Variants in CAST observed in about 807,000 individuals in gnomAD.
CAST encodes calpastatin.
A neutral mutation model predicts 119.6 loss-of-function variants in CAST; 76 were observed. That is an observed-to-expected ratio of 0.64 (90% CI 0.53 to 0.77). The LOEUF (loss-of-function observed/expected upper bound fraction) is 0.77, where lower values mean the gene tolerates loss of function less well. Ranked by LOEUF, CAST falls within the 30% of genes least tolerant of loss-of-function variation. The probability of loss-of-function intolerance (pLI) is 0.00; values close to 1 mark genes in which losing one functional copy is unlikely to be tolerated. For missense variants in CAST, 953 were observed against 946.5 expected (o/e 1.01, Z -0.09); for synonymous variants, 319 against 331.6 (o/e 0.96, Z 0.41).
chr5:96,652,535 A>C (rs1219543383), intron 1 of CAST, among the ~76,000 whole-genome samples: 1 of 152,206 alleles, frequency 6.6e-6, no homozygotes, highest in East Asian at 1.9e-4. Context: ...CTCACAGCAC[A>C]CCTACAGAGA....
the CAST span, among the ~76,000 whole-genome samples, chr5:96,464,474 T>C: frequency 6.6e-6 from 1 of 152,040 alleles, no homozygotes; most frequent in South Asian, 2.1e-4. Flanking sequence ...TAGTTCATTC[T>C]TATATGGTAT....
chr5:96,443,149 A>G, the CAST span, among the ~76,000 whole-genome samples: 1,042 of 152,342 alleles, frequency 6.8e-3, 17 homozygotes, highest in African/African-American at 0.024. Context: ...GATAATCATT[A>G]GGTTCAGGTG....
chr5:96,368,001 A>C, the CAST span, among the ~76,000 whole-genome samples: 69 of 152,002 alleles, frequency 4.5e-4, no homozygotes, highest in African/African-American at 1.6e-3. Flanking sequence ...CATGTTCCTC[A>C]TTGTCCTTCT....
the CAST span, among the ~76,000 whole-genome samples, chr5:96,326,077 C>A: frequency 6.6e-6 from 1 of 152,218 alleles, no homozygotes; most frequent in Non-Finnish European, 1.5e-5. Context: ...ACTTGGATAT[C>A]ATCCACATGA....
the CAST span, among the ~76,000 whole-genome samples, chr5:95,967,448 A>ATAAG: frequency 6.6e-6 from 1 of 152,098 alleles, no homozygotes; most frequent in East Asian, 1.9e-4. Flanking sequence ...AAATAAATAA[A>ATAAG]TAAGTAAATT....
intron 1 of CAST, among the ~76,000 whole-genome samples, chr5:96,532,429 C>T (rs1240720240): frequency 6.6e-6 from 1 of 152,164 alleles, no homozygotes; most frequent in Non-Finnish European, 1.5e-5. Context: ...AGAATCACCT[C>T]TCAGTCAGAG....
At chr5:96,704,907 T>C (rs1754626190) in intron 3 of CAST, among the ~76,000 whole-genome samples, 1 of 152,246 alleles carries the variant, frequency 6.6e-6, no homozygotes, top group Non-Finnish European at 1.5e-5. Context: ...GGGTGACAAT[T>C]CTGAATTAGA....
At chr5:96,531,245 T>C (rs1174020983) in intron 1 of CAST, among the ~76,000 whole-genome samples, 2 of 151,974 alleles carry the variant, frequency 1.3e-5, no homozygotes, top group African/African-American at 2.4e-5. Context: ...ACAGAACACA[T>C]AGGGGTGGCA....
At chr5:96,561,796 G>GTTTTTTTTTTGTTTTTTTTTTTTTTTTTT (rs1554067789) in intron 1 of CAST, among the ~76,000 whole-genome samples, 1 of 97,422 alleles carries the variant, frequency 1.0e-5, no homozygotes, top group African/African-American at 3.8e-5. Context: ...GTTTTTTTTT[G>GTTTTTTTTTTGTTTTTTTTTTTTTTTTTT]TTTTTTTTTT....
chr5:96,632,025 A>AATTATTATTATTATTATTATTATTATT (rs3064173), intron 1 of CAST, among the ~76,000 whole-genome samples: 12 of 149,668 alleles, frequency 8.0e-5, no homozygotes, highest in African/African-American at 2.7e-4. Flanking sequence ...TCCTTTTAAA[A>AATTATTATTATTATTATTATTATTATT]ATTATTATTA....
intron 1 of CAST, among the ~76,000 whole-genome samples, chr5:96,665,000 T>C (rs1429490664): frequency 2.0e-5 from 3 of 152,250 alleles, no homozygotes; most frequent in Admixed American, 6.5e-5. Context: ...TCTGCTGGGT[T>C]ACTTGGATGA....
At chr5:96,394,872 G>T in the CAST span, 2 of 1,613,888 alleles carry the variant, frequency 1.2e-6, no homozygotes, top group African/African-American at 2.7e-5. Context: ...ACCTCCCCTG[G>T]ATCCACCATC....
chr5:96,593,765 A>C (rs996451497), intron 1 of CAST, among the ~76,000 whole-genome samples: 1 of 152,138 alleles, frequency 6.6e-6, no homozygotes, highest in African/African-American at 2.4e-5. Context: ...CCCTCTTTCC[A>C]CCATGTGGGA....
intron 1 of CAST, among the ~76,000 whole-genome samples, chr5:96,551,252 G>C (rs1191544941): frequency 6.6e-6 from 1 of 152,172 alleles, no homozygotes; most frequent in African/African-American, 2.4e-5. Context: ...AAGAGAGTGG[G>C]GGCCAATATT....
At chr5:96,441,420 T>C in the CAST span, among the ~76,000 whole-genome samples, 1 of 152,158 alleles carries the variant, frequency 6.6e-6, no homozygotes, top group Non-Finnish European at 1.5e-5. Context: ...TTTTATTAAC[T>C]CCAATTCACT....
At chr5:96,242,006 T>C in the CAST span, among the ~76,000 whole-genome samples, 4 of 143,196 alleles carry the variant, frequency 2.8e-5, no homozygotes, top group African/African-American at 1.0e-4. Flanking sequence ...TTCTCCCATT[T>C]TGTAGGTTGC....
chr5:96,438,781 G>A, the CAST span, among the ~76,000 whole-genome samples: 1 of 151,872 alleles, frequency 6.6e-6, no homozygotes, highest in Admixed American at 6.6e-5. Context: ...ATAATATTTC[G>A]GTGTAAAAAT....
intron 1 of CAST, among the ~76,000 whole-genome samples, chr5:96,598,749 G>A (rs1468029922): frequency 3.3e-5 from 5 of 152,130 alleles, no homozygotes; most frequent in African/African-American, 7.2e-5. Flanking sequence ...ATCAGTAGAC[G>A]GAGTAAAGCA....
chr5:96,476,768 G>T, the CAST span, among the ~76,000 whole-genome samples: 3 of 152,006 alleles, frequency 2.0e-5, no homozygotes, highest in South Asian at 6.2e-4. Context: ...TGAAATTTGA[G>T]ACCTTTCTTT....
Sources: allele counts gnomAD v4.1 joint callset (sites outside exome capture counted in the v4.1 genomes callset), GRCh38; gene constraint gnomAD v4.1.1; transcripts MANE v1.5; gene names NCBI Gene and HGNC (gene_info 2026-07-23, HGNC 2026-07-21).